SEC61A1: variants seen among roughly 807,000 people sequenced by gnomAD.
SEC61A1 encodes the protein SEC61 translocon subunit alpha 1, also known as protein transport protein Sec61 subunit alpha isoform 1.
Under a neutral mutation model 55.2 loss-of-function variants are expected in SEC61A1, and 15 were observed. The ratio of observed to expected loss-of-function variants is 0.27; its 90% CI spans 0.18 to 0.42. The LOEUF is 0.42. Among genes scored for constraint, SEC61A1 ranks in the 10% least tolerant of loss-of-function variants. The pLI is 1.00. For synonymous variants in SEC61A1, 247 were observed against 234.0 expected (o/e 1.06, Z -0.51); for missense variants, 284 against 602.6 (o/e 0.47, Z 5.53).
Position 128,071,460 on chromosome 3 carries a change from G to A in SEC61A1, c.*1798G>A, listed in dbSNP as rs1942165331. The stretch of plus-strand genomic sequence containing the variant: ...GCTGTACCCAAGCTGGTGGGCAGGG[G>A]GCTGGAAGGCACCAGGCCTCAGGAG... On this transcript the variant is annotated 3_prime_UTR_variant, in exon 12 of 12. Transcript: ENST00000243253. 6.5e-6 allele frequency: 1 copy of A among 152,698 alleles called. No homozygotes were observed. The allele number at this position is 152,698 out of a possible 1,614,324, so 9.5% of individuals were successfully genotyped here.
intron 5 of SEC61A1, among the ~76,000 whole-genome samples, chr3:128,057,149 G>T (rs1053267466): frequency 1.3e-5 from 2 of 152,178 alleles, no homozygotes; most frequent in Non-Finnish European, 2.9e-5. Context: ...GGCCATGCTG[G>T]TCTTGAACTC....
At chr3:128,063,217 A>G (rs1027403795) in intron 7 of SEC61A1, among the ~76,000 whole-genome samples, 2 of 152,190 alleles carry the variant, frequency 1.3e-5, no homozygotes, top group Admixed American at 1.3e-4. Context: ...ACATTTGACA[A>G]GTTCCACAGT....
At chr3:128,066,825 G>A in intron 8 of SEC61A1, 129 bp from the exon 9 acceptor site, 2 of 803,588 alleles carry the variant, frequency 2.5e-6, no homozygotes, top group Non-Finnish European at 4.0e-6. Context: ...TCGGAACTGG[G>A]AGCCCCAGAA....
chr3:128,052,234 C>G (rs1941690664), upstream of SEC61A1: 1 of 332,982 alleles, frequency 3.0e-6, no homozygotes, highest in Non-Finnish European at 5.4e-6. Flanking sequence ...CCCCCAGTCC[C>G]GGCGGGCCCC....
At position 128,067,310 on chromosome 3, in the gene SEC61A1, C is replaced by T. The variant is rs1942010816; in HGVS notation, c.976-111C>T. 3 of 1,320,624 alleles carry T rather than the reference C, an allele frequency of 2.3e-6. No individual in the cohort carries two copies. The highest frequency in any genetic ancestry group is 4.2e-5 in the Admixed American group (2 of 47,980). 81.8% of individuals were successfully genotyped at this position (1,320,624 alleles called of 1,614,324 possible). On this transcript the variant is annotated intron_variant, in intron 9 of 11. Coordinates refer to ENST00000243253, the MANE Select transcript of SEC61A1 (RefSeq NM_013336.4). The surrounding 1 kb of genome is among the most constrained non-coding windows in gnomAD (Gnocchi z 4.1). ...TTATCTTTTCAGTAAAAAAATTGTA[C>T]TGTGGGCACCGAGTAAAATTGCATT...
rs1290891050 is a variant in SEC61A1, at chr3:128,069,545, A to G, written c.1314A>G (p.Leu438=). 2 of 1,613,800 alleles carry G rather than the reference A, an allele frequency of 1.2e-6. No individual in the cohort carries two copies. Among genetic ancestry groups the G allele is most frequent in the African/African-American group, 2.7e-5 (2 of 74,846 alleles). Residue 438 remains leucine (L), a synonymous_variant, in exon 12 of 12, where the codon CTA becomes CTG. Coordinates refer to ENST00000243253, the MANE Select transcript of SEC61A1 (RefSeq NM_013336.4). The part of the protein sequence containing the change: ...IGALSVLADF[L]GAIGSGTGIL... ...CCCTCTCGGTCCTGGCTGACTTCCTAGGCGCCATTGGGTCTGGAACCGGGA... is the reference window on the plus strand; with the variant it reads ...CCCTCTCGGTCCTGGCTGACTTCCTGGGCGCCATTGGGTCTGGAACCGGGA...
chr3:128,067,009 C>T lies in SEC61A1; in HGVS notation c.833C>T (p.Thr278Ile). The part of the protein sequence containing the change: ...KSARYRGQYN[T>I]YPIKLFYTSN... ...GCCCGCTACCGTGGCCAGTACAACA[C>T]CTATCCCATCAAGCTCTTCTATACG... Residue 278 changes from threonine to isoleucine, a missense_variant, in exon 9 of 12, where the codon ACC (threonine) becomes ATC (isoleucine). By Grantham distance (89) the Thr-to-Ile change is moderately conservative (BLOSUM62 -1). Coordinates refer to ENST00000243253, the MANE Select transcript of SEC61A1 (RefSeq NM_013336.4). This position sits in a 1 kb window ranked among gnomAD's most constrained non-coding sequence, Gnocchi z 4.1. The T allele has an allele frequency of 6.2e-7, 1 of 1,614,198 alleles. No homozygotes were observed. Among genetic ancestry groups the T allele is most frequent in the Non-Finnish European group, 8.5e-7 (1 of 1,180,034 alleles).
chr3:128,066,565 G>T, intron 8 of SEC61A1: 1 of 208,022 alleles, frequency 4.8e-6, no homozygotes, highest in Admixed American at 5.4e-5. Context: ...TGGGACTACA[G>T]GCGCGCACCA....
Position 128,068,048 on chromosome 3 carries a change from T to C in SEC61A1, c.1233T>C (p.His411=), listed in dbSNP as rs1397328566. The C allele has an allele frequency of 6.2e-7, 1 of 1,613,476 alleles. No individual in the cohort carries two copies. ...GCCACCGAGAGACCTCCATGGTCCA[T>C]GAACTCAACCGGTGAGTGGTGGCCC... ...MRGHRETSMV[H]ELNRYIPTAA... is the part of the protein sequence containing the mutation. Residue 411 remains histidine, a synonymous_variant, in exon 11 of 12, where the codon CAT becomes CAC. Coordinates refer to ENST00000243253, the MANE Select transcript of SEC61A1 (RefSeq NM_013336.4).
At chr3:128,061,688 G>T (rs1941854886) in intron 7 of SEC61A1, among the ~76,000 whole-genome samples, 2 of 152,192 alleles carry the variant, frequency 1.3e-5, no homozygotes, top group African/African-American at 4.8e-5. Flanking sequence ...TGAGTACTTT[G>T]TATAAATTTA....
intron 8 of SEC61A1, among the ~76,000 whole-genome samples, chr3:128,066,427 GT>G (rs1941980281): frequency 6.6e-6 from 1 of 151,816 alleles, no homozygotes; most frequent in South Asian, 2.1e-4. Flanking sequence ...TTGCTTCCAT[GT>G]TTTGTTTTGT....
At position 128,069,626 on chromosome 3, in the gene SEC61A1, A is replaced by G. The variant is rs755909196; in HGVS notation, c.1395A>G (p.Gln465=). 3.1e-6 allele frequency: 5 copies of G among 1,614,064 alleles called. No individual in the cohort carries two copies. Among genetic ancestry groups the G allele is most frequent in the Non-Finnish European group, 1.7e-6 (2 of 1,180,042 alleles). ...ACTTTGAGATCTTCGTTAAGGAGCA[A>G]AGCGAGGTTGGCAGCATGGGGGCCC... ...YQYFEIFVKE[Q]SEVGSMGALL... The change falls in exon 12 of 12, where the codon CAA becomes CAG. Residue 465 remains glutamine (Q), a synonymous_variant. Coordinates refer to ENST00000243253, the MANE Select transcript of SEC61A1 (RefSeq NM_013336.4).
At chr3:128,059,927 T>C (rs1267991752) in intron 5 of SEC61A1, among the ~76,000 whole-genome samples, 175 bp from the exon 6 acceptor site, 1 of 152,232 alleles carries the variant, frequency 6.6e-6, no homozygotes, top group African/African-American at 2.4e-5. Context: ...TGATTCATCA[T>C]GTACTTTGCT....
chr3:128,057,326 G>T (rs1458087590), intron 5 of SEC61A1, among the ~76,000 whole-genome samples: 1 of 152,244 alleles, frequency 6.6e-6, no homozygotes, highest in Admixed American at 6.5e-5. Flanking sequence ...ACTTCTGGTA[G>T]AGCAGAGGTG....
Position 128,056,851 on chromosome 3 carries a change from T to G in SEC61A1, c.352+11T>G. 2 of 1,555,698 alleles carry G rather than the reference T, an allele frequency of 1.3e-6. No homozygotes were observed. ...ACGGAGCCCAAAAGTGTAAGAAAGA[T>G]TGTGAATAATCTGATGTCTATAGTT... On this transcript the variant is annotated intron_variant, in intron 5 of 11. Transcript: ENST00000243253.
chr3:128,051,815 C>T, upstream of SEC61A1: 1 of 1,535,406 alleles, frequency 6.5e-7, no homozygotes, highest in Non-Finnish European at 8.7e-7. Flanking sequence ...CCAAGTCTCT[C>T]CAGAAACTCA....
intron 8 of SEC61A1, among the ~76,000 whole-genome samples, chr3:128,066,136 C>T (rs1941970620): frequency 3.3e-5 from 5 of 152,054 alleles, no homozygotes; most frequent in Admixed American, 2.6e-4. Context: ...CCAGGGGTTT[C>T]AGAGGGAGAA....
chr3:128,066,871 G>C, intron 8 of SEC61A1, 83 bp from the exon 9 acceptor site: 1 of 1,375,306 alleles, frequency 7.3e-7, no homozygotes, highest in Non-Finnish European at 1.0e-6. Flanking sequence ...TGGCCCACTG[G>C]ACAGTCCCCG....
intron 7 of SEC61A1, among the ~76,000 whole-genome samples, chr3:128,061,879 T>G (rs774523430): frequency 3.3e-5 from 5 of 152,198 alleles, no homozygotes; most frequent in Admixed American, 6.5e-5. Flanking sequence ...CCCTGGTGGC[T>G]TAGCAGCCCA....
Sources: allele counts gnomAD v4.1 joint callset (sites outside exome capture counted in the v4.1 genomes callset), GRCh38; gene constraint gnomAD v4.1.1; non-coding constraint Gnocchi (gnomAD v3.1); transcripts MANE v1.5; gene names NCBI Gene and HGNC (gene_info 2026-07-23, HGNC 2026-07-21).